THRB: variants seen among roughly 807,000 people sequenced by gnomAD.
The protein encoded by THRB is thyroid hormone receptor beta, also known as nuclear receptor subfamily 1 group A member 2.
THRB carries 12 observed loss-of-function variants against 47.8 expected under a neutral mutation model. The ratio of observed to expected loss-of-function variants is 0.25; its 90% confidence interval spans 0.16 to 0.41. The LOEUF is 0.41. THRB is among the 10% of genes least tolerant of loss of function. The pLI is 1.00. For missense variants in THRB, 348 were observed against 589.2 expected (o/e 0.59, Z 4.24); for synonymous variants, 218 against 212.2 (o/e 1.03, Z -0.24).
rs532372962 is a variant in THRB at position 24,280,712 on chromosome 3, C to G, written c.-43+16514G>C. On this transcript the variant is annotated intron_variant, in intron 3 of 10. Transcript: ENST00000646209. The stretch of plus-strand genomic sequence containing the variant: ...GAAAAAAACTTAGAAGAATGTATAA[C>G]TAGAATAACCAATACAGAGAAGTGC... Among the ~76,000 whole-genome samples, 1,285 of 152,020 alleles carry G rather than the reference C, an allele frequency of 8.5e-3. 22 individuals carry two copies. The highest frequency in any genetic ancestry group is 0.029 in the African/African-American group (1,205 of 41,396).
In THRB at chr3:24,119,004, G is replaced by A. The variant is rs1014850269; in HGVS notation, c.*3880C>T. ...TTTTTTTTTTTTTTTTTTTTTTTTTGAGTGTGTTTTTAATGCATTTTTTTT... is the reference window on the plus strand; with the variant it reads ...TTTTTTTTTTTTTTTTTTTTTTTTTAAGTGTGTTTTTAATGCATTTTTTTT... On this transcript the variant is annotated 3_prime_UTR_variant, in exon 11 of 11. Coordinates refer to ENST00000646209, the MANE Select transcript of THRB (RefSeq NM_001354712.2). The A allele has an allele frequency of 5.8e-4, 16 of 27,750 alleles. No homozygotes were observed. Among genetic ancestry groups the A allele is most frequent in the Non-Finnish European group, 8.7e-4 (10 of 11,500 alleles). 1.7% of individuals were successfully genotyped at this position (27,750 alleles called of 1,614,324 possible).
chr3:24,429,250 A>C (rs2070113782), intron 1 of THRB, among the ~76,000 whole-genome samples: 1 of 150,506 alleles, frequency 6.6e-6, no homozygotes, highest in Non-Finnish European at 1.5e-5. Flanking sequence ...CATATATACT[A>C]TATGTTATAT....
At chr3:24,351,651 C>T (rs539013208) in intron 1 of THRB, among the ~76,000 whole-genome samples, 1 of 152,200 alleles carries the variant, frequency 6.6e-6, no homozygotes, top group South Asian at 2.1e-4. Context: ...CAGAACAAGT[C>T]CTTAAAACAC....
chr3:24,183,156 G>A (rs992929513), intron 5 of THRB, among the ~76,000 whole-genome samples: 1 of 151,728 alleles, frequency 6.6e-6, no homozygotes, highest in African/African-American at 2.4e-5. Flanking sequence ...TTTGTTTGGC[G>A]TCCCTTCATT....
chr3:24,150,474 A>G (rs982343278), intron 6 of THRB, among the ~76,000 whole-genome samples: 8 of 152,148 alleles, frequency 5.3e-5, no homozygotes, highest in South Asian at 2.1e-4. Context: ...ACAAAGTCAC[A>G]GAATCTGAAA....
At chr3:24,311,175 C>G (rs2057730022) in intron 2 of THRB, among the ~76,000 whole-genome samples, 1 of 152,164 alleles carries the variant, frequency 6.6e-6, no homozygotes, top group Admixed American at 6.5e-5. Flanking sequence ...TGAGGAAACA[C>G]TTTTATTCCT....
chr3:24,261,080 G>C (rs1235675010), intron 3 of THRB, among the ~76,000 whole-genome samples: 1 of 108,294 alleles, frequency 9.2e-6, no homozygotes, highest in Non-Finnish European at 1.8e-5. Flanking sequence ...TTGGGAATGC[G>C]ACCCCAAGCC....
chr3:24,409,270 T>C (rs2068081029), intron 1 of THRB, among the ~76,000 whole-genome samples: 2 of 151,854 alleles, frequency 1.3e-5, no homozygotes, highest in Admixed American at 6.6e-5. Flanking sequence ...CTCCACTCTA[T>C]AGGAGTCTTG....
intron 1 of THRB, among the ~76,000 whole-genome samples, chr3:24,390,544 C>G (rs1021941877): frequency 6.6e-6 from 1 of 152,022 alleles, no homozygotes; most frequent in Non-Finnish European, 1.5e-5. Flanking sequence ...TTATTATAAG[C>G]ATTTCTGTAA....
At chr3:24,445,092 G>T (rs1560203451) in intron 1 of THRB, among the ~76,000 whole-genome samples, 1 of 151,802 alleles carries the variant, frequency 6.6e-6, no homozygotes, top group Non-Finnish European at 1.5e-5. Context: ...GAAATAGAGA[G>T]CCCAGATACA....
At chr3:24,217,534 G>A (rs1255513370) in intron 4 of THRB, among the ~76,000 whole-genome samples, 1 of 148,078 alleles carries the variant, frequency 6.8e-6, no homozygotes, top group Non-Finnish European at 1.5e-5. Context: ...TGTGTGTTGG[G>A]AGAAAATAAG....
At chr3:24,353,277 C>T (rs2063472181) in intron 1 of THRB, among the ~76,000 whole-genome samples, 1 of 151,986 alleles carries the variant, frequency 6.6e-6, no homozygotes, top group Admixed American at 6.6e-5. Flanking sequence ...TTTAGATAGC[C>T]TACACACAGT....
chr3:24,203,272 G>C (rs2044818766), intron 4 of THRB, among the ~76,000 whole-genome samples: 1 of 152,112 alleles, frequency 6.6e-6, no homozygotes, highest in South Asian at 2.1e-4. Flanking sequence ...AAATTAGCTG[G>C]GTGTGGTGGC....
At chr3:24,123,160 A>C (rs779381317) in intron 10 of THRB, 35 bp from the exon 11 acceptor site, 18 of 1,613,198 alleles carry the variant, frequency 1.1e-5, no homozygotes, top group East Asian at 2.2e-5. Context: ...ATTGATTCAG[A>C]GATGGAAGGG....
At chr3:24,311,190 G>C (rs1338967952) in intron 2 of THRB, among the ~76,000 whole-genome samples, 2 of 152,116 alleles carry the variant, frequency 1.3e-5, no homozygotes, top group East Asian at 3.9e-4. Context: ...ATTCCTCAAG[G>C]GGCCACAATT....
chr3:24,134,621 T>G (rs535230291), intron 8 of THRB, among the ~76,000 whole-genome samples: 1 of 152,254 alleles, frequency 6.6e-6, no homozygotes, highest in South Asian at 2.1e-4. Context: ...TCACCCCTAC[T>G]TCAAGGCTTT....
intron 3 of THRB, among the ~76,000 whole-genome samples, chr3:24,251,782 A>G (rs1279432571): frequency 6.6e-6 from 1 of 152,088 alleles, no homozygotes; most frequent in African/African-American, 2.4e-5. Context: ...TTGAAAGCAC[A>G]GGGAAAAAAT....
chr3:24,371,787 C>A (rs964004416), intron 1 of THRB, among the ~76,000 whole-genome samples: 2 of 152,094 alleles, frequency 1.3e-5, no homozygotes, highest in Admixed American at 6.6e-5. Context: ...GCGTTGAAGG[C>A]ATTTTCTTAT....
At chr3:24,376,173 C>T (rs751684744) in intron 1 of THRB, among the ~76,000 whole-genome samples, 26 of 152,054 alleles carry the variant, frequency 1.7e-4, no homozygotes, top group Non-Finnish European at 3.1e-4. Flanking sequence ...GAGAAAGGGA[C>T]GTAAACAACT....
Sources: allele counts gnomAD v4.1 joint callset (sites outside exome capture counted in the v4.1 genomes callset), GRCh38; gene constraint gnomAD v4.1.1; transcripts MANE v1.5; gene names NCBI Gene and HGNC (gene_info 2026-07-23, HGNC 2026-07-21).